Variants in CDK14 observed in about 807,000 individuals in gnomAD.
CDK14 encodes the protein cyclin-dependent kinase 14.
Under a neutral mutation model 60.7 loss-of-function variants are expected in CDK14, and 34 were observed. That is an observed-to-expected ratio of 0.56 (90% CI 0.43 to 0.75). CDK14 has a LOEUF of 0.75. Ranked by LOEUF, CDK14 falls within the 30% of genes least tolerant of loss-of-function variation. CDK14 has a pLI of 0.00. For synonymous variants in CDK14, 197 were observed against 203.7 expected, an observed-to-expected ratio of 0.97 and a Z score of 0.28; for missense variants, 482 against 564.1, an observed-to-expected ratio of 0.85 and a Z score of 1.47.
chr7:90,823,309 A>G (rs984043048), intron 5 of CDK14, among the ~76,000 whole-genome samples: 2 of 152,248 alleles, frequency 1.3e-5, no homozygotes, highest in Non-Finnish European at 2.9e-5. Flanking sequence ...GAAATAAAGA[A>G]TAGTTGATTT....
At chr7:90,768,511 C>T (rs1012066254) in intron 4 of CDK14, among the ~76,000 whole-genome samples, 2 of 152,200 alleles carry the variant, frequency 1.3e-5, no homozygotes, top group Non-Finnish European at 2.9e-5. Context: ...AACAGCTGCA[C>T]TGAAAAGTTG....
chr7:90,654,280 G>A (rs1011429), intron 2 of CDK14, among the ~76,000 whole-genome samples: 144,848 of 152,280 alleles, frequency 0.95, 68,921 homozygotes, highest in East Asian at 1. Context: ...TAATGGAAAT[G>A]AAAACTAGTA....
At chr7:90,848,295 C>G (rs560450088) in intron 5 of CDK14, among the ~76,000 whole-genome samples, 3 of 152,150 alleles carry the variant, frequency 2.0e-5, no homozygotes, top group Admixed American at 1.3e-4. Context: ...GAGGTTTCAC[C>G]ATGTTGGCCA....
chr7:91,195,975 A>C (rs1038185525), intron 14 of CDK14, among the ~76,000 whole-genome samples: 2 of 152,210 alleles, frequency 1.3e-5, no homozygotes, highest in East Asian at 3.8e-4. Context: ...TGTGTTTCCC[A>C]GAGTCCTTGC....
chr7:90,718,353 GA>G (rs1802326520), intron 2 of CDK14, among the ~76,000 whole-genome samples: 1 of 152,092 alleles, frequency 6.6e-6, no homozygotes, highest in South Asian at 2.1e-4. Flanking sequence ...GAACACAAAG[GA>G]AGCACAAAGA....
chr7:91,036,753 G>T, intron 10 of CDK14, among the ~76,000 whole-genome samples: 1 of 152,086 alleles, frequency 6.6e-6, no homozygotes, highest in East Asian at 1.9e-4. Context: ...TAGTTGGTAA[G>T]ACTTCTGTTC....
intron 10 of CDK14, among the ~76,000 whole-genome samples, chr7:91,043,893 C>T (rs1797160958): frequency 6.6e-6 from 1 of 152,118 alleles, no homozygotes; most frequent in Non-Finnish European, 1.5e-5. Flanking sequence ...GTATATGTGC[C>T]ACTCTGACAT....
At chr7:90,844,597 T>A (rs1790403253) in intron 5 of CDK14, among the ~76,000 whole-genome samples, 1 of 152,190 alleles carries the variant, frequency 6.6e-6, no homozygotes, top group African/African-American at 2.4e-5. Context: ...GGTATTTGCA[T>A]ATATTTGCAA....
At chr7:91,124,544 T>A (rs1373129967) in intron 14 of CDK14, among the ~76,000 whole-genome samples, 1 of 151,946 alleles carries the variant, frequency 6.6e-6, no homozygotes, top group East Asian at 1.9e-4. Flanking sequence ...AAAAGCAAAG[T>A]GGCTGAAAGA....
intron 5 of CDK14, among the ~76,000 whole-genome samples, chr7:90,817,552 T>C (rs1789397374): frequency 6.6e-6 from 1 of 152,220 alleles, no homozygotes; most frequent in Admixed American, 6.5e-5. Context: ...AAAATTTTCT[T>C]GATAGAGACT....
chr7:90,910,994 T>C (rs1792878685), intron 7 of CDK14, among the ~76,000 whole-genome samples: 1 of 152,192 alleles, frequency 6.6e-6, no homozygotes, highest in African/African-American at 2.4e-5. Flanking sequence ...CCATGTGTTC[T>C]CATCATTTAT....
At chr7:91,089,465 C>T (rs569421293) in intron 12 of CDK14, among the ~76,000 whole-genome samples, 20 of 151,752 alleles carry the variant, frequency 1.3e-4, no homozygotes, top group African/African-American at 3.9e-4. Context: ...TCTTTTTCAT[C>T]TTACCTTTAC....
intron 5 of CDK14, among the ~76,000 whole-genome samples, chr7:90,802,613 T>G (rs754348408): frequency 3.3e-5 from 5 of 152,186 alleles, no homozygotes; most frequent in Non-Finnish European, 5.9e-5. Flanking sequence ...GTGTATGATT[T>G]TGAGCAAGTC....
chr7:91,054,808 C>A (rs528274015), intron 11 of CDK14, among the ~76,000 whole-genome samples: 17 of 152,262 alleles, frequency 1.1e-4, no homozygotes, highest in African/African-American at 4.1e-4. Context: ...TTACAACTTA[C>A]CATGCCTGTG....
At chr7:90,828,532 T>C (rs1451895447) in intron 5 of CDK14, among the ~76,000 whole-genome samples, 1 of 151,632 alleles carries the variant, frequency 6.6e-6, no homozygotes, top group Non-Finnish European at 1.5e-5. Context: ...TTTTTTTCCC[T>C]ATTGGTTAGG....
intron 2 of CDK14, among the ~76,000 whole-genome samples, chr7:90,718,452 A>G (rs1168657472): frequency 3.3e-5 from 5 of 152,148 alleles, no homozygotes; most frequent in Non-Finnish European, 5.9e-5. Flanking sequence ...ATAGTAGAAC[A>G]TTAGAGCTAA....
chr7:90,702,431 T>A (rs1035394591), intron 2 of CDK14, among the ~76,000 whole-genome samples: 1 of 152,118 alleles, frequency 6.6e-6, no homozygotes, highest in African/African-American at 2.4e-5. Flanking sequence ...CTATGATGAA[T>A]CTTCTTTAGC....
intron 14 of CDK14, among the ~76,000 whole-genome samples, chr7:91,135,636 T>C (rs994279900): frequency 2.0e-5 from 3 of 152,144 alleles, no homozygotes; most frequent in African/African-American, 7.2e-5. Context: ...CAGAAGGAAA[T>C]CAGCTGAAGG....
At chr7:91,057,681 C>G (rs1406194826) in intron 11 of CDK14, among the ~76,000 whole-genome samples, 4 of 152,210 alleles carry the variant, frequency 2.6e-5, no homozygotes, top group Admixed American at 6.5e-5. Flanking sequence ...CCCATTTCTT[C>G]TTTTTGTCAG....
Sources: allele counts gnomAD v4.1 joint callset (sites outside exome capture counted in the v4.1 genomes callset), GRCh38; gene constraint gnomAD v4.1.1; transcripts MANE v1.5; gene names NCBI Gene and HGNC (gene_info 2026-07-23, HGNC 2026-07-21).